The following NR3C1 variants were observed in gnomAD, a reference collection of about 807,000 sequenced individuals.
NR3C1 encodes the protein glucocorticoid receptor.
A neutral mutation model predicts 74.0 loss-of-function variants in NR3C1; 14 were observed. The ratio of observed to expected loss-of-function variants is 0.19; its 90% CI spans 0.12 to 0.30. The LOEUF (loss-of-function observed/expected upper bound fraction) is 0.30. Ranked by LOEUF, NR3C1 falls within the 10% of genes least tolerant of loss-of-function variation. NR3C1 has a pLI of 1.00. For missense variants in NR3C1, 695 were observed against 909.8 expected, an observed-to-expected ratio of 0.76 and a Z score of 3.04; for synonymous variants, 308 against 332.5, an observed-to-expected ratio of 0.93 and a Z score of 0.80.
intron 1 of NR3C1, among the ~76,000 whole-genome samples, chr5:143,426,286 T>C (rs1423817285): frequency 6.6e-6 from 1 of 152,206 alleles, no homozygotes; most frequent in East Asian, 1.9e-4. Context: ...ATGGATATGC[T>C]TTGAAATTTG....
intron 2 of NR3C1, among the ~76,000 whole-genome samples, chr5:143,398,556 T>C (rs1839675611): frequency 6.6e-6 from 1 of 151,956 alleles, no homozygotes; most frequent in South Asian, 2.1e-4. Flanking sequence ...ACGATGAATA[T>C]CACTAACATT....
intron 3 of NR3C1, among the ~76,000 whole-genome samples, chr5:143,312,298 G>C (rs762356720): frequency 6.6e-6 from 1 of 152,136 alleles, no homozygotes; most frequent in Non-Finnish European, 1.5e-5. Context: ...TGGCAGAAGT[G>C]ATGGCATGTT....
At chr5:143,332,576 A>T (rs1394583602) in intron 2 of NR3C1, 2 of 948,708 alleles carry the variant, frequency 2.1e-6, no homozygotes, top group Non-Finnish European at 3.2e-6. Flanking sequence ...AATTAAAAAA[A>T]GAATTGAGTA....
intron 2 of NR3C1, among the ~76,000 whole-genome samples, chr5:143,364,058 G>A (rs571092850): frequency 6.6e-6 from 1 of 152,122 alleles, no homozygotes; most frequent in Non-Finnish European, 1.5e-5. Context: ...ACTCCAAGTA[G>A]AACAGACTAA....
intron 8 of NR3C1, 112 bp downstream of exon 8, chr5:143,282,456 C>T: frequency 8.0e-7 from 1 of 1,244,200 alleles, no homozygotes; most frequent in Middle Eastern, 2.3e-4. Context: ...TCACCAACAT[C>T]CACAAACTGG....
In NR3C1 at chr5:143,345,601, G is replaced by A. The variant is rs1046969303; in HGVS notation, c.1185-31433C>T. On this transcript the variant is annotated intron_variant, in intron 2 of 8. Coordinates refer to ENST00000394464, the MANE Select transcript of NR3C1 (RefSeq NM_000176.3). ...AGTGCAGTTTAAAAATGCTCAGCAAGCCTGCCCTAATTATTATTTCTGAGC... is the reference window on the plus strand; with the variant it reads ...AGTGCAGTTTAAAAATGCTCAGCAAACCTGCCCTAATTATTATTTCTGAGC... 2.0e-5 allele frequency among the ~76,000 whole-genome samples: 3 copies of A among 152,188 alleles called. No homozygotes were observed. In the East Asian group the frequency reaches 5.8e-4, roughly 29 times the overall value.
Position 143,279,560 on chromosome 5 carries a change from G to GATCT in NR3C1, c.*2328_*2329insAGAT. 1 of 600,304 alleles carries GATCT rather than the reference G, an allele frequency of 1.7e-6. No individual in the cohort carries two copies. The highest frequency in any genetic ancestry group is 2.5e-6 in the Non-Finnish European group (1 of 397,684). The allele number at this position is 600,304 out of a possible 1,614,324, so 37.2% of individuals were successfully genotyped here. Reference sequence around the variant, plus strand: ...TTAAAATATTACATTCCCTTTTAGAGAGCATTCAAAAAGCAAATGATTGTT... The same window carrying GATCT: ...TTAAAATATTACATTCCCTTTTAGAGATCTAGCATTCAAAAAGCAAATGATTGTT... On this transcript the variant is annotated 3_prime_UTR_variant, in exon 9 of 9. Coordinates refer to ENST00000394464, the MANE Select transcript of NR3C1 (RefSeq NM_000176.3).
intron 4 of NR3C1, among the ~76,000 whole-genome samples, chr5:143,304,614 A>G (rs762529892): frequency 2.0e-5 from 3 of 152,182 alleles, no homozygotes; most frequent in Non-Finnish European, 4.4e-5. Flanking sequence ...AATCCTAAGC[A>G]AAAAGAACAA....
rs772411187 is a variant in NR3C1 at position 143,400,618 on chromosome 5, C to G, written c.222G>C (p.Gln74His). 1.2e-6 allele frequency: 2 copies of G among 1,614,238 alleles called. No homozygotes were observed. Among genetic ancestry groups the G allele is most frequent in the Non-Finnish European group, 1.7e-6 (2 of 1,180,034 alleles). ...DFPKGSVSNA[Q>H]QPDLSKAVSL... ...AAACTGCTTTGGACAGATCTGGCTG[C>G]TGCGCATTGCTTACTGAGCCTTTTG... Residue 74 changes from glutamine to histidine, a missense_variant, in exon 2 of 9, where the codon CAG becomes CAC. By Grantham distance (24) the Gln-to-His change is conservative. Around this residue, in one of 4 missense-constraint regions of NR3C1, gnomAD observed 497 missense variants for 489.5 expected, o/e 1.02. Coordinates refer to ENST00000394464, the MANE Select transcript of NR3C1 (RefSeq NM_000176.3).
chr5:143,431,874 C>G (rs564996731), intron 1 of NR3C1, among the ~76,000 whole-genome samples: 18 of 152,068 alleles, frequency 1.2e-4, no homozygotes, highest in Non-Finnish European at 2.2e-4. Flanking sequence ...GCAGTGGGGC[C>G]CCTGGATGAG....
intron 1 of NR3C1, among the ~76,000 whole-genome samples, chr5:143,428,679 C>T (rs1014576515): frequency 6.6e-6 from 1 of 152,190 alleles, no homozygotes; most frequent in Admixed American, 6.5e-5. Context: ...ACACATATGG[C>T]TCCACTGTAA....
At chr5:143,429,789 A>G (rs1233604784) in intron 1 of NR3C1, among the ~76,000 whole-genome samples, 1 of 152,226 alleles carries the variant, frequency 6.6e-6, no homozygotes, top group Non-Finnish European at 1.5e-5. Flanking sequence ...ATCAAAAATC[A>G]TGGTTTTTGG....
intron 1 of NR3C1, among the ~76,000 whole-genome samples, chr5:143,434,067 T>C (rs1380892896): frequency 6.6e-6 from 1 of 152,242 alleles, no homozygotes; most frequent in East Asian, 1.9e-4. Flanking sequence ...TTCACATAAC[T>C]GGCCTCTTTA....
intron 2 of NR3C1, among the ~76,000 whole-genome samples, chr5:143,322,788 G>A (rs1599931427): frequency 6.6e-6 from 1 of 152,152 alleles, no homozygotes; most frequent in East Asian, 1.9e-4. Context: ...CAAAGGCAAA[G>A]GCTTAATTCT....
chr5:143,337,508 A>G (rs1827371979), intron 2 of NR3C1, among the ~76,000 whole-genome samples: 1 of 152,250 alleles, frequency 6.6e-6, no homozygotes, highest in Non-Finnish European at 1.5e-5. Context: ...ATTAATGTGC[A>G]TATACAGTAA....
At chr5:143,309,962 A>G in intron 4 of NR3C1, 135 bp downstream of exon 4, 1 of 704,362 alleles carries the variant, frequency 1.4e-6, no homozygotes. Context: ...TTGGGCAGTA[A>G]CATTATGCTA....
chr5:143,419,384 A>G (rs1751095207), intron 1 of NR3C1, among the ~76,000 whole-genome samples: 1 of 152,198 alleles, frequency 6.6e-6, no homozygotes, highest in African/African-American at 2.4e-5. Context: ...TTGAAGCACT[A>G]TGATAAAAGA....
chr5:143,426,447 G>T lies in NR3C1; in HGVS notation c.-14+8085C>A, dbSNP rs562347462. The stretch of plus-strand genomic sequence containing the variant: ...ATATGCTCCCTATTTTCTTTGGAAT[G>T]TTGATACATTGATACAAATCAGCTA... On this transcript the variant is annotated intron_variant, in intron 1 of 8. Coordinates refer to the NR3C1 transcript ENST00000343796. Among the ~76,000 whole-genome samples the T allele has an allele frequency of 6.6e-5, 10 of 152,306 alleles. No individual in the cohort carries two copies. In the South Asian group the frequency reaches 1.9e-3, roughly 28 times the overall value.
At chr5:143,282,846 C>A (rs559807045) in intron 7 of NR3C1, 121 bp from the exon 8 acceptor site, 14 of 1,051,808 alleles carry the variant, frequency 1.3e-5, no homozygotes, top group Non-Finnish European at 1.9e-5. Context: ...GTGGCATAAT[C>A]ATAGCTCACT....
Sources: gnomAD v4.1 joint callset for allele counts (sites outside exome capture counted in the v4.1 genomes callset) on GRCh38, gnomAD v4.1.1 for gene constraint, gnomAD v4.1.1 regional missense constraint, MANE v1.5 for transcripts, NCBI Gene and HGNC (gene_info 2026-07-23, HGNC 2026-07-21) for gene names.